AGBL4: variants seen among roughly 807,000 people sequenced by gnomAD.
AGBL4 encodes the protein cytosolic carboxypeptidase 6.
A neutral mutation model predicts 66.4 loss-of-function variants in AGBL4; 58 were observed. That is an observed-to-expected ratio of 0.87 (90% CI 0.71 to 1.09). AGBL4 has a LOEUF of 1.09. AGBL4 is among the 50% of genes least tolerant of loss of function. The pLI is 0.00. For synonymous variants in AGBL4, 234 were observed against 222.9 expected, an observed-to-expected ratio of 1.05 and a Z score of -0.44; for missense variants, 579 against 631.0, an observed-to-expected ratio of 0.92 and a Z score of 0.88.
intron 3 of AGBL4, among the ~76,000 whole-genome samples, chr1:49,622,953 T>G (rs2124312159): frequency 6.6e-6 from 1 of 152,290 alleles, no homozygotes; most frequent in East Asian, 1.9e-4. Flanking sequence ...AGATTCCTAT[T>G]TCTCCCCACT....
At chr1:49,958,548 C>A (rs947826821) in intron 1 of AGBL4, among the ~76,000 whole-genome samples, 3 of 151,890 alleles carry the variant, frequency 2.0e-5, no homozygotes, top group African/African-American at 7.3e-5. Flanking sequence ...TTTCTAGGGA[C>A]ATGGATGAAG....
chr1:48,699,713 C>T (rs1646771693), intron 6 of AGBL4, among the ~76,000 whole-genome samples: 1 of 152,132 alleles, frequency 6.6e-6, no homozygotes, highest in Admixed American at 6.5e-5. Context: ...AGCATTGAAC[C>T]TCAGTTGTCC....
chr1:49,734,208 G>C (rs1649680656), intron 2 of AGBL4, among the ~76,000 whole-genome samples: 1 of 151,624 alleles, frequency 6.6e-6, no homozygotes, highest in Non-Finnish European at 1.5e-5. Context: ...CCAAAGATCA[G>C]GAACAAAACA....
chr1:49,293,864 T>C (rs1432882269), intron 3 of AGBL4, among the ~76,000 whole-genome samples: 4 of 152,226 alleles, frequency 2.6e-5, no homozygotes, highest in African/African-American at 9.6e-5. Context: ...AGTGCTTTAA[T>C]TAGGACAATA....
rs569215816 is a variant in AGBL4 at position 49,471,766 on chromosome 1, GA to G, written c.282+225546del. On this transcript the variant is annotated intron_variant, in intron 3 of 13. Transcript: ENST00000371839. ...ATTTTCTACTATAGCCAACACCACA[GA>G]AAAAAAACTGTGACCCTATTATACT... 1.1e-3 allele frequency among the ~76,000 whole-genome samples: 160 copies of G among 151,606 alleles called. 2 individuals are homozygous for G. The highest frequency in any genetic ancestry group is 1.5e-3 in the Non-Finnish European group (102 of 67,822).
At chr1:49,739,760 A>G (rs1450599520) in intron 2 of AGBL4, among the ~76,000 whole-genome samples, 1 of 152,224 alleles carries the variant, frequency 6.6e-6, no homozygotes, top group Non-Finnish European at 1.5e-5. Flanking sequence ...ACATTCTTAA[A>G]GAAAAGAATT....
At chr1:49,656,577 C>A (rs1014009067) in intron 3 of AGBL4, among the ~76,000 whole-genome samples, 2 of 152,116 alleles carry the variant, frequency 1.3e-5, no homozygotes, top group Non-Finnish European at 2.9e-5. Context: ...AGACCAATAT[C>A]CCTGATGAAC....
intron 1 of AGBL4, chr1:49,994,289 T>C (rs1438846830): frequency 6.8e-6 from 1 of 148,032 alleles, no homozygotes; most frequent in Non-Finnish European, 1.5e-5. Context: ...CAATACAATG[T>C]GTTGAACTAC....
chr1:49,658,484 T>G (rs534070795), intron 3 of AGBL4, among the ~76,000 whole-genome samples: 1 of 152,090 alleles, frequency 6.6e-6, no homozygotes, highest in African/African-American at 2.4e-5. Flanking sequence ...GAAATACCAT[T>G]TGACCCAGCC....
chr1:49,562,479 T>C lies in AGBL4; in HGVS notation c.282+134834A>G, dbSNP rs1571043732. 2.6e-5 allele frequency among the ~76,000 whole-genome samples: 4 copies of C among 152,300 alleles called. 1 individual carries two copies. Among genetic ancestry groups the C allele is most frequent in the African/African-American group, 9.6e-5 (4 of 41,560 alleles). ...AGTCTTTAATCCATCTTGAATTAAT[T>C]TTTGTATAAGGTGTAAGGAAGGGAT... On this transcript the variant is annotated intron_variant, in intron 3 of 13. Transcript: ENST00000371839.
chr1:48,554,588 G>C (rs1248281030), intron 11 of AGBL4, among the ~76,000 whole-genome samples: 1 of 152,006 alleles, frequency 6.6e-6, no homozygotes, highest in Non-Finnish European at 1.5e-5. Flanking sequence ...GGACCCTCAT[G>C]GTTCTAACAT....
At chr1:48,898,673 A>G (rs1272944861) in intron 5 of AGBL4, among the ~76,000 whole-genome samples, 1 of 151,596 alleles carries the variant, frequency 6.6e-6, no homozygotes, top group African/African-American at 2.4e-5. Context: ...TGCCAGTACC[A>G]TGTTGTTTTA....
intron 3 of AGBL4, among the ~76,000 whole-genome samples, chr1:49,544,594 C>A (rs1652330536): frequency 1.3e-5 from 2 of 152,146 alleles, no homozygotes. Context: ...ACAATATAAT[C>A]CAGAATCACT....
intron 4 of AGBL4, among the ~76,000 whole-genome samples, chr1:49,201,539 T>G (rs1647699378): frequency 6.6e-6 from 1 of 152,184 alleles, no homozygotes; most frequent in South Asian, 2.1e-4. Context: ...ATGCAATTTC[T>G]TAGAATGTGT....
At chr1:49,504,073 C>G (rs573392093) in intron 3 of AGBL4, among the ~76,000 whole-genome samples, 2 of 152,178 alleles carry the variant, frequency 1.3e-5, no homozygotes, top group Admixed American at 6.5e-5. Context: ...AAGGGTGGGA[C>G]AAGGTGGAGA....
chr1:49,254,447 C>T (rs185976091), intron 3 of AGBL4, among the ~76,000 whole-genome samples: 11 of 152,212 alleles, frequency 7.2e-5, no homozygotes, highest in Admixed American at 2.0e-4. Flanking sequence ...CCTAGGAATA[C>T]AGCTAACAAG....
At chr1:48,584,213 A>T (rs1455473305) in intron 11 of AGBL4, 1 of 152,184 alleles carries the variant, frequency 6.6e-6, no homozygotes, top group African/African-American at 2.4e-5. Context: ...CCCTGTCTAC[A>T]ATACTGGCCC....
chr1:48,765,082 C>T (rs543501946), intron 6 of AGBL4, among the ~76,000 whole-genome samples: 2 of 152,302 alleles, frequency 1.3e-5, no homozygotes, highest in South Asian at 4.1e-4. Flanking sequence ...CACTCATCTC[C>T]TCCCTCCCTC....
chr1:48,564,869 C>T (rs1289413820), intron 11 of AGBL4, among the ~76,000 whole-genome samples: 1 of 152,196 alleles, frequency 6.6e-6, no homozygotes, highest in Non-Finnish European at 1.5e-5. Flanking sequence ...GTTGATGGCC[C>T]TCCATCTGTA....
Sources: gnomAD v4.1 joint callset for allele counts (sites outside exome capture counted in the v4.1 genomes callset) on GRCh38, gnomAD v4.1.1 for gene constraint, MANE v1.5 for transcripts, NCBI Gene and HGNC (gene_info 2026-07-23, HGNC 2026-07-21) for gene names.